Variants in NCF4 observed in about 807,000 individuals in gnomAD.
NCF4 encodes the protein neutrophil cytosolic factor 4.
NCF4 carries 30 observed loss-of-function variants against 41.7 expected under a neutral mutation model. That is an observed-to-expected ratio of 0.72 (90% confidence interval 0.54 to 0.97). The LOEUF is 0.97. Ranked by LOEUF, NCF4 falls within the 50% of genes least tolerant of loss-of-function variation. The pLI is 0.00. For synonymous variants in NCF4, 195 were observed against 175.8 expected (o/e 1.11, Z -0.87); for missense variants, 432 against 460.9 (o/e 0.94, Z 0.57).
chr22:36,877,505 G>A lies in NCF4; in HGVS notation c.825-123G>A. 4.1e-6 allele frequency: 4 copies of A among 970,292 alleles called. No individual in the cohort carries two copies. The South Asian group carries it at 5.4e-5, about 13-fold the overall frequency. 60.1% of individuals were successfully genotyped at this position (970,292 alleles called of 1,614,324 possible). ...AGGTTAGATTACTTGGATGACACGGGCTTGTATCAGGCTCTGACTTTTTCT... is the reference window on the plus strand; with the variant it reads ...AGGTTAGATTACTTGGATGACACGGACTTGTATCAGGCTCTGACTTTTTCT... On this transcript the variant is annotated intron_variant, in intron 9 of 9. Transcript: ENST00000248899.
At chr22:36,864,209 C>T in intron 2 of NCF4, 80 bp downstream of exon 2, 4 of 1,183,640 alleles carry the variant, frequency 3.4e-6, no homozygotes, top group Non-Finnish European at 5.1e-6. Flanking sequence ...CCTCTGACCT[C>T]TGAACCTCCA....
At chr22:36,870,697 T>C (rs1427674388) in intron 5 of NCF4, among the ~76,000 whole-genome samples, 155 bp downstream of exon 5, 1 of 152,192 alleles carries the variant, frequency 6.6e-6, no homozygotes, top group African/African-American at 2.4e-5. Flanking sequence ...GTTTAGAAAG[T>C]CATGTTCAGG....
Position 36,864,123 on chromosome 22 carries a change from C to T in NCF4, c.111C>T (p.Ser37=). Residue 37 remains serine, a synonymous_variant, in exon 2 of 10, where the codon AGC becomes AGT. Coordinates refer to ENST00000248899, the MANE Select transcript of NCF4 (RefSeq NM_000631.5). Reference sequence around the variant, plus strand: ...TCGAGGAGAAGAGAGGCTTCACCAGCCACTTTGTAAGACAGACTCCTAGTC... The same window carrying T: ...TCGAGGAGAAGAGAGGCTTCACCAGTCACTTTGTAAGACAGACTCCTAGTC... ...ADIEEKRGFT[S]HFVFVIEVKT... is the part of the protein sequence containing the mutation. 1.9e-6 allele frequency: 3 copies of T among 1,612,492 alleles called. No homozygotes were observed. The South Asian group carries it at 3.3e-5, about 18-fold the overall frequency.
intron 8 of NCF4, 102 bp from the exon 9 acceptor site, chr22:36,875,927 A>G: frequency 6.2e-7 from 1 of 1,614,156 alleles, no homozygotes; most frequent in Non-Finnish European, 8.5e-7. Context: ...GTAACAAGCC[A>G]TCAACGTCCA....
intron 3 of NCF4, 74 bp from the exon 4 acceptor site, chr22:36,867,318 G>C: frequency 6.6e-7 from 1 of 1,526,208 alleles, no homozygotes. Context: ...AGGGTTCCTG[G>C]CCTGTAGGGG....
At chr22:36,867,051 G>A (rs997472760) in intron 3 of NCF4, among the ~76,000 whole-genome samples, 2 of 151,966 alleles carry the variant, frequency 1.3e-5, no homozygotes, top group African/African-American at 4.8e-5. Context: ...TGTCCTGGGT[G>A]ATGGGGGTAC....
Position 36,875,822 on chromosome 22 carries a change from T to C in NCF4, c.758+39T>C, listed in dbSNP as rs532148733. 4.1e-5 allele frequency: 66 copies of C among 1,614,104 alleles called. No individual in the cohort carries two copies. The South Asian group carries it at 6.9e-4, about 17-fold the overall frequency. On this transcript the variant is annotated intron_variant, in intron 8 of 9. Coordinates refer to ENST00000248899, the MANE Select transcript of NCF4 (RefSeq NM_000631.5). The stretch of plus-strand genomic sequence containing the variant: ...GAGGGAGGGGCCTGTCCAGCCTTCC[T>C]GCCATCCCTACGACCACTGCCCCTC...
Position 36,875,780 on chromosome 22 carries a change from T to C in NCF4, c.755T>C (p.Ile252Thr). 2 of 1,614,084 alleles carry C rather than the reference T, an allele frequency of 1.2e-6. No individual in the cohort carries two copies. Among genetic ancestry groups the C allele is most frequent in the South Asian group, 1.1e-5 (1 of 91,070 alleles). Residue 252 changes from isoleucine (I) to threonine (T), a missense_variant, in exon 8 of 10, where the codon ATC becomes ACC. By Grantham distance (89) the Ile-to-Thr change is moderately conservative. Transcript: ENST00000248899. ...TACTACGAAGACACCATCAGCACCATCAAGTCTGTGGCCTGGGAGGGAGGG... is the reference window on the plus strand; with the variant it reads ...TACTACGAAGACACCATCAGCACCACCAAGTCTGTGGCCTGGGAGGGAGGG... The part of the protein sequence containing the change: ...CYYYEDTIST[I>T]KDIAVEEDLS...
At chr22:36,862,948 C>T (rs578130397) in intron 1 of NCF4, among the ~76,000 whole-genome samples, 7 of 152,236 alleles carry the variant, frequency 4.6e-5, no homozygotes, top group Non-Finnish European at 1.0e-4. Context: ...CAAAACCTCC[C>T]CCAGGCCAGG....
rs1467122595 is a variant in NCF4, at chr22:36,875,535, G to C, written c.628-118G>C. On this transcript the variant is annotated intron_variant, in intron 7 of 9. Coordinates refer to ENST00000248899, the MANE Select transcript of NCF4 (RefSeq NM_000631.5). ...CCTCGCTTTCCCTCCTCCCTCTACA[G>C]AAGAAGACCCGGACCTCATCTGCCT... 3 of 916,436 alleles carry C rather than the reference G, an allele frequency of 3.3e-6. No homozygotes were observed. The African/African-American group carries it at 4.9e-5, about 15-fold the overall frequency. 56.8% of individuals were successfully genotyped at this position (916,436 alleles called of 1,614,324 possible).
chr22:36,876,086 G>T lies in NCF4; in HGVS notation c.816G>T (p.Glu272Asp). 6.2e-7 allele frequency: 1 copy of T among 1,608,134 alleles called. No homozygotes were observed. The highest frequency in any genetic ancestry group is 8.5e-7 in the Non-Finnish European group (1 of 1,176,152). Residue 272 changes from glutamate to aspartate, a missense_variant, in exon 9 of 10, where the codon GAG becomes GAT. By Grantham distance (45) the Glu-to-Asp change is conservative. Transcript: ENST00000248899. The stretch of plus-strand genomic sequence containing the variant: ...CTCCCCTATTGAAAGACCTGCTGGA[G>T]CTCACAAGGTGAGGGGCTGGGAATG... Reference protein sequence around the residue: ...SSTPLLKDLLELTRREFQRED... With the variant: ...SSTPLLKDLLDLTRREFQRED...
rs1940172476 is a variant in NCF4 at position 36,875,555 on chromosome 22, C to T, written c.628-98C>T. On this transcript the variant is annotated intron_variant, in intron 7 of 9. Transcript: ENST00000248899. ...CTACAGAAGAAGACCCGGACCTCAT[C>T]TGCCTTTCCCCATCACTAGAACGGG... 6.1e-6 allele frequency: 7 copies of T among 1,142,546 alleles called. No homozygotes were observed. In the South Asian group the frequency reaches 8.7e-5, roughly 14 times the overall value. The allele number at this position is 1,142,546 out of a possible 1,614,324, so 70.8% of individuals were successfully genotyped here. A position where few individuals can be genotyped will look rare whatever the true frequency, so the allele number is the denominator to read the frequency against.
In NCF4 at chr22:36,865,218, G is replaced by C. The variant is rs1939899854; in HGVS notation, c.271+146G>C. ...CCCCCACTCCCGGCAGTTACAGGCT[G>C]CCAAGCCCTCCCTGCATGGCTCCCC... On this transcript the variant is annotated intron_variant, in intron 3 of 9. Transcript: ENST00000248899. The surrounding 1 kb of genome is among the most constrained non-coding windows in gnomAD (Gnocchi z 4.3). 1 of 1,245,206 alleles carries C rather than the reference G, an allele frequency of 8.0e-7. No homozygotes were observed. The highest frequency in any genetic ancestry group is 1.5e-5 in the African/African-American group (1 of 67,194). 77.1% of individuals were successfully genotyped at this position (1,245,206 alleles called of 1,614,324 possible).
At chr22:36,870,610 T>C in intron 5 of NCF4, 68 bp downstream of exon 5, 1 of 1,581,324 alleles carries the variant, frequency 6.3e-7, no homozygotes, top group Non-Finnish European at 8.6e-7. Context: ...AGCATCTCTT[T>C]TCCCTGAAAG....
In NCF4 at chr22:36,872,367, A is replaced by C; in HGVS notation, c.569A>C (p.Asn190Thr). The change falls in exon 7 of 10, where the codon AAT becomes ACT. Residue 190 changes from asparagine to threonine, a missense_variant. By Grantham distance (65) the Asn-to-Thr change is moderately conservative. Coordinates refer to ENST00000248899, the MANE Select transcript of NCF4 (RefSeq NM_000631.5). ...DFTGNSKLELNFKAGDVIFLL... is the reference protein window; with the variant it reads ...DFTGNSKLELTFKAGDVIFLL... ...ACTGGAAACAGCAAACTGGAGCTGA[A>C]TTTCAAAGCTGGAGATGTGATCTTC... 6.2e-7 allele frequency: 1 copy of C among 1,613,862 alleles called. No individual in the cohort carries two copies. The highest frequency in any genetic ancestry group is 8.5e-7 in the Non-Finnish European group (1 of 1,179,664).
intron 9 of NCF4, among the ~76,000 whole-genome samples, chr22:36,876,314 T>C (rs1465249256): frequency 1.3e-5 from 2 of 152,310 alleles, no homozygotes; most frequent in Admixed American, 6.5e-5. Flanking sequence ...CTCACGCAGG[T>C]TGTGGGTTTA....
chr22:36,864,042 C>T lies in NCF4; in HGVS notation c.33-3C>T, dbSNP rs759545797. On this transcript the variant is annotated splice_region_variant and splice_polypyrimidine_tract_variant and intron_variant, in intron 1 of 9. Coordinates refer to ENST00000248899, the MANE Select transcript of NCF4 (RefSeq NM_000631.5). Reference sequence around the variant, plus strand: ...AGGATCTCTTTTCCCCTCCTTCGCACAGTGACTTTGAACAGCTTCCGGATG... The same window carrying T: ...AGGATCTCTTTTCCCCTCCTTCGCATAGTGACTTTGAACAGCTTCCGGATG... The T allele has an allele frequency of 1.9e-5, 30 of 1,613,812 alleles. No individual in the cohort carries two copies. Among genetic ancestry groups the T allele is most frequent in the Non-Finnish European group, 2.5e-5 (30 of 1,179,788 alleles).
Position 36,871,500 on chromosome 22 carries a change from C to T in NCF4, c.471-152C>T, listed in dbSNP as rs547905872. On this transcript the variant is annotated intron_variant, in intron 5 of 9. Coordinates refer to ENST00000248899, the MANE Select transcript of NCF4 (RefSeq NM_000631.5). ...TTGTGAGGATTTGGGGACAAGTGTG[C>T]CCGCCCAGAGGAGCAATTGCAGCCA... The T allele has an allele frequency of 1.7e-5, 14 of 830,890 alleles. No homozygotes were observed. In the East Asian group the frequency reaches 3.5e-4, roughly 21 times the overall value. The allele number at this position is 830,890 out of a possible 1,614,324, so 51.5% of individuals were successfully genotyped here.
intron 7 of NCF4, among the ~76,000 whole-genome samples, chr22:36,873,849 G>A (rs1301218044): frequency 1.1e-5 from 1 of 89,234 alleles, no homozygotes; most frequent in African/African-American, 3.3e-5. Flanking sequence ...TTGCTCCTGA[G>A]GGGTGAAATC....
Sources: allele counts gnomAD v4.1 joint callset (sites outside exome capture counted in the v4.1 genomes callset), GRCh38; gene constraint gnomAD v4.1.1; non-coding constraint Gnocchi (gnomAD v3.1); transcripts MANE v1.5; gene names NCBI Gene and HGNC (gene_info 2026-07-23, HGNC 2026-07-21).